Variants in RGS7BP observed in about 807,000 individuals in gnomAD.
RGS7BP encodes regulator of G protein signaling 7 binding protein.
RGS7BP carries 9 observed loss-of-function variants against 31.3 expected under a neutral mutation model. The ratio of observed to expected loss-of-function variants is 0.29; its 90% CI spans 0.17 to 0.50. The LOEUF is 0.50. Among genes scored for constraint, RGS7BP ranks in the 20% least tolerant of loss-of-function variants. RGS7BP has a pLI of 0.98. For missense variants in RGS7BP, 274 were observed against 322.0 expected (o/e 0.85, Z 1.14); for synonymous variants, 115 against 120.1 (o/e 0.96, Z 0.28).
At chr5:64,602,223 C>T (rs1486571551) in intron 5 of RGS7BP, among the ~76,000 whole-genome samples, 1 of 152,210 alleles carries the variant, frequency 6.6e-6, no homozygotes, top group Non-Finnish European at 1.5e-5. Context: ...ACCATCTAGC[C>T]TAGAGATGAC....
At chr5:64,508,289 A>G (rs1748748218) in intron 2 of RGS7BP, among the ~76,000 whole-genome samples, 1 of 152,192 alleles carries the variant, frequency 6.6e-6, no homozygotes, top group African/African-American at 2.4e-5. Flanking sequence ...CAGATTTACT[A>G]AACTATTTAT....
chr5:64,560,931 T>C (rs1378309792), intron 2 of RGS7BP, among the ~76,000 whole-genome samples: 1 of 152,144 alleles, frequency 6.6e-6, no homozygotes, highest in African/African-American at 2.4e-5. Context: ...TTCCCATTTT[T>C]CCCTTAATGC....
chr5:64,553,156 T>C (rs1201142475), intron 2 of RGS7BP, among the ~76,000 whole-genome samples: 1 of 147,982 alleles, frequency 6.8e-6, no homozygotes, highest in Non-Finnish European at 1.5e-5. Flanking sequence ...TAGGACTTCC[T>C]TCCTTTCTTT....
chr5:64,514,465 C>T (rs1158082750), intron 2 of RGS7BP, among the ~76,000 whole-genome samples: 1 of 152,176 alleles, frequency 6.6e-6, no homozygotes, highest in Non-Finnish European at 1.5e-5. Flanking sequence ...TCTCTCCACA[C>T]TTTCATACAA....
chr5:64,585,874 C>T (rs1363918990), intron 3 of RGS7BP, among the ~76,000 whole-genome samples: 1 of 152,112 alleles, frequency 6.6e-6, no homozygotes, highest in Admixed American at 6.5e-5. Flanking sequence ...AACAGTGATG[C>T]AACCAGCATG....
Position 64,506,715 on chromosome 5 carries a change from G to A in RGS7BP, c.91G>A (p.Gly31Arg), listed in dbSNP as rs1748689949. The stretch of plus-strand genomic sequence containing the variant: ...GATCAGCAAGCCCCCGCTGCAGAGC[G>A]GAGATTGGGAGCGCAGGGGCAGCGG... ...FQISKPPLQS[G>R]DWERRGSGSE... is the part of the protein sequence containing the mutation. The change falls in exon 1 of 6, where the codon GGA becomes AGA. Residue 31 changes from glycine (G) to arginine (R), a missense_variant. Transcript: ENST00000334025. The surrounding 1 kb of genome is among the most constrained non-coding windows in gnomAD (Gnocchi z 4.6). 1.2e-6 allele frequency: 2 copies of A among 1,612,582 alleles called. No individual in the cohort carries two copies. The highest frequency in any genetic ancestry group is 1.7e-6 in the Non-Finnish European group (2 of 1,178,806).
At chr5:64,536,557 T>C (rs1741366381) in intron 2 of RGS7BP, among the ~76,000 whole-genome samples, 1 of 152,216 alleles carries the variant, frequency 6.6e-6, no homozygotes, top group Non-Finnish European at 1.5e-5. Flanking sequence ...CAGACATTAC[T>C]TTCAAAACAA....
chr5:64,507,600 C>T, intron 1 of RGS7BP, 111 bp from the exon 2 acceptor site: 1 of 924,512 alleles, frequency 1.1e-6, no homozygotes. Context: ...AGCTGGAGAT[C>T]TGGGGAGCTG....
chr5:64,515,184 A>G (rs1474746710), intron 2 of RGS7BP, among the ~76,000 whole-genome samples: 1 of 152,210 alleles, frequency 6.6e-6, no homozygotes, highest in Non-Finnish European at 1.5e-5. Flanking sequence ...TCTATTCTTA[A>G]AAGAAGCCAT....
chr5:64,544,979 G>A (rs772534235), intron 2 of RGS7BP, among the ~76,000 whole-genome samples: 15 of 152,026 alleles, frequency 9.9e-5, no homozygotes, highest in South Asian at 2.1e-4. Context: ...GATTGAGACC[G>A]TACTGGCCAA....
intron 3 of RGS7BP, among the ~76,000 whole-genome samples, chr5:64,578,144 C>T (rs1742485841): frequency 6.6e-6 from 1 of 152,222 alleles, no homozygotes; most frequent in Non-Finnish European, 1.5e-5. Context: ...AAATGAAATG[C>T]AGTCACCTCT....
At chr5:64,570,129 G>C (rs980977491) in intron 2 of RGS7BP, among the ~76,000 whole-genome samples, 1 of 151,836 alleles carries the variant, frequency 6.6e-6, no homozygotes, top group Non-Finnish European at 1.5e-5. Flanking sequence ...TCCATATTAG[G>C]GAACTGTAAA....
intron 2 of RGS7BP, among the ~76,000 whole-genome samples, chr5:64,520,792 G>T (rs1024831852): frequency 2.0e-5 from 3 of 152,230 alleles, no homozygotes; most frequent in African/African-American, 7.2e-5. Flanking sequence ...AGCACAGGGG[G>T]TGAGGGTGGG....
chr5:64,594,193 T>C (rs1486549762), intron 3 of RGS7BP, among the ~76,000 whole-genome samples: 2 of 151,984 alleles, frequency 1.3e-5, no homozygotes, highest in African/African-American at 2.4e-5. Flanking sequence ...TTGAAGGAGG[T>C]TGGAGAGCCA....
intron 2 of RGS7BP, among the ~76,000 whole-genome samples, chr5:64,524,793 G>C (rs1012762890): frequency 2.0e-5 from 3 of 152,056 alleles, no homozygotes; most frequent in African/African-American, 7.2e-5. Flanking sequence ...TCCTGCTTCA[G>C]CTGTCCCTTG....
At chr5:64,517,914 A>AT (rs201692337) in intron 2 of RGS7BP, among the ~76,000 whole-genome samples, 1 of 152,126 alleles carries the variant, frequency 6.6e-6, no homozygotes, top group East Asian at 1.9e-4. Context: ...TCTTTAAAAA[A>AT]TTTTTTTAAA....
rs1362628712 is a variant in RGS7BP at position 64,517,136 on chromosome 5, A to G, written c.332+9259A>G. Among the ~76,000 whole-genome samples, 3 of 151,896 alleles carry G rather than the reference A, an allele frequency of 2.0e-5. No individual in the cohort carries two copies. In the East Asian group the frequency reaches 5.8e-4, roughly 29 times the overall value. On this transcript the variant is annotated intron_variant, in intron 2 of 5. Transcript: ENST00000334025. Reference sequence around the variant, plus strand: ...TGGCTTCTATCCTCAACCTCGCTTTATGAGGCAAGATGAGCACAGAATCTC... The same window carrying G: ...TGGCTTCTATCCTCAACCTCGCTTTGTGAGGCAAGATGAGCACAGAATCTC...
In RGS7BP at chr5:64,599,421, CA is replaced by C. The variant is rs778032462; in HGVS notation, c.682+987del. 4.1e-4 allele frequency among the ~76,000 whole-genome samples: 63 copies of C among 152,308 alleles called. 1 individual carries two copies. Among genetic ancestry groups the C allele is most frequent in the Non-Finnish European group, 6.9e-4 (47 of 68,036 alleles). The stretch of plus-strand genomic sequence containing the variant: ...GAGGAGGAGGAGGAGGAGGATTTGG[CA>C]GTGGAGCTGGAGGCTCCTCTTGGCT... On this transcript the variant is annotated intron_variant, in intron 5 of 5. Coordinates refer to ENST00000334025, the MANE Select transcript of RGS7BP (RefSeq NM_001029875.3).
chr5:64,550,109 G>T (rs564055297), intron 2 of RGS7BP, among the ~76,000 whole-genome samples: 54 of 152,232 alleles, frequency 3.5e-4, no homozygotes, highest in African/African-American at 1.1e-3. Flanking sequence ...CATGTACATT[G>T]AAACTCTTCC....
Sources: gnomAD v4.1 joint callset for allele counts (sites outside exome capture counted in the v4.1 genomes callset) on GRCh38, gnomAD v4.1.1 for gene constraint, Gnocchi (gnomAD v3.1) non-coding constraint, MANE v1.5 for transcripts, NCBI Gene and HGNC (gene_info 2026-07-23, HGNC 2026-07-21) for gene names.